FAT3: variants seen among roughly 807,000 people sequenced by gnomAD.
The protein encoded by FAT3 is FAT atypical cadherin 3, also known as protocadherin Fat 3.
A neutral mutation model predicts 310.2 loss-of-function variants in FAT3; 95 were observed. The observed-to-expected ratio is 0.31, with a 90% CI of 0.26 to 0.36. FAT3 has a LOEUF of 0.36. Among genes scored for constraint, FAT3 ranks in the 10% least tolerant of loss-of-function variants. The pLI, the probability that FAT3 is intolerant of heterozygous loss-of-function variation, is 1.00. For missense variants in FAT3, 5,408 were observed against 5,715.6 expected, an observed-to-expected ratio of 0.95 and a Z score of 1.74; for synonymous variants, 2,314 against 2,192.9, an observed-to-expected ratio of 1.06 and a Z score of -1.54.
intron 2 of FAT3, among the ~76,000 whole-genome samples, chr11:92,482,286 T>G (rs2135197762): frequency 6.6e-6 from 1 of 152,300 alleles, no homozygotes; most frequent in African/African-American, 2.4e-5. Context: ...TGAATTAAAA[T>G]TCTTGGCATG....
intron 2 of FAT3, among the ~76,000 whole-genome samples, chr11:92,392,335 C>T (rs573795057): frequency 6.6e-6 from 1 of 152,202 alleles, no homozygotes; most frequent in African/African-American, 2.4e-5. Context: ...TCTTAACTCA[C>T]ATTTTCTTAT....
At chr11:92,490,747 A>G (rs897640119) in intron 2 of FAT3, among the ~76,000 whole-genome samples, 1 of 152,156 alleles carries the variant, frequency 6.6e-6, no homozygotes, top group African/African-American at 2.4e-5. Context: ...TGCAGTTTAT[A>G]AAGCATTCAT....
chr11:92,300,842 G>A (rs1455046308), intron 1 of FAT3, among the ~76,000 whole-genome samples: 5 of 151,934 alleles, frequency 3.3e-5, no homozygotes, highest in African/African-American at 7.3e-5. Flanking sequence ...TGGTATTTCC[G>A]GTCTAACACA....
chr11:92,760,969 T>C (rs1324958030), intron 4 of FAT3, among the ~76,000 whole-genome samples: 1 of 152,206 alleles, frequency 6.6e-6, no homozygotes, highest in East Asian at 1.9e-4. Flanking sequence ...TAGAAAAATA[T>C]TTTGCAATTG....
At chr11:92,835,750 A>G (rs1480935696) in intron 15 of FAT3, among the ~76,000 whole-genome samples, 8 of 152,194 alleles carry the variant, frequency 5.3e-5, no homozygotes, top group African/African-American at 1.7e-4. Context: ...ACAGACACAC[A>G]GAGTTGGGCA....
chr11:92,314,238 A>G (rs1045211671), intron 1 of FAT3: 2 of 951,066 alleles, frequency 2.1e-6, no homozygotes, highest in East Asian at 1.2e-4. Flanking sequence ...CTAATTAATA[A>G]TTAAGGTCAT....
intron 13 of FAT3, 28 bp from the exon 14 acceptor site, chr11:92,831,594 C>T (rs1453638560): frequency 1.9e-6 from 3 of 1,586,226 alleles, no homozygotes; most frequent in African/African-American, 2.7e-5. Flanking sequence ...TGTTCTTGCC[C>T]ACTCATTTTC....
At chr11:92,550,076 T>C (rs1954754111) in intron 3 of FAT3, among the ~76,000 whole-genome samples, 1 of 152,194 alleles carries the variant, frequency 6.6e-6, no homozygotes, top group African/African-American at 2.4e-5. Context: ...GCATTGTCTC[T>C]TGACCTGAAA....
chr11:92,345,608 A>G (rs1357014088), intron 1 of FAT3, among the ~76,000 whole-genome samples: 4 of 152,226 alleles, frequency 2.6e-5, no homozygotes, highest in African/African-American at 9.6e-5. Flanking sequence ...TCATAGCTTT[A>G]GAAGAAGTGG....
chr11:92,561,942 T>A (rs541695906), intron 3 of FAT3, among the ~76,000 whole-genome samples: 1 of 152,146 alleles, frequency 6.6e-6, no homozygotes, highest in South Asian at 2.1e-4. Context: ...TTGGATAATT[T>A]TAAACAATAA....
At chr11:92,443,234 TTTA>T (rs1951121350) in intron 2 of FAT3, among the ~76,000 whole-genome samples, 1 of 152,188 alleles carries the variant, frequency 6.6e-6, no homozygotes, top group African/African-American at 2.4e-5. Flanking sequence ...TTCTTCCTAG[TTTA>T]TTGTTTCTAA....
At chr11:92,301,253 C>T (rs1160484646) in intron 1 of FAT3, among the ~76,000 whole-genome samples, 1 of 152,046 alleles carries the variant, frequency 6.6e-6, no homozygotes, top group African/African-American at 2.4e-5. Context: ...CTGACATTTC[C>T]AAATGTAGTA....
chr11:92,260,352 C>T (rs1449690865), intron 1 of FAT3, among the ~76,000 whole-genome samples: 2 of 152,000 alleles, frequency 1.3e-5, no homozygotes, highest in African/African-American at 4.8e-5. Context: ...ACCCAAGGCT[C>T]TAGAAATTTT....
chr11:92,578,544 T>C (rs2135525002), intron 3 of FAT3, among the ~76,000 whole-genome samples: 1 of 152,280 alleles, frequency 6.6e-6, no homozygotes, highest in East Asian at 1.9e-4. Context: ...CTGTGCCTTG[T>C]TGCCCACAAC....
At chr11:92,430,316 T>A (rs1207451843) in intron 2 of FAT3, among the ~76,000 whole-genome samples, 1 of 152,184 alleles carries the variant, frequency 6.6e-6, no homozygotes, top group African/African-American at 2.4e-5. Flanking sequence ...TGCATTGGGT[T>A]CTGAAGCCTA....
At chr11:92,303,856 A>C (rs547316397) in intron 1 of FAT3, among the ~76,000 whole-genome samples, 2 of 152,224 alleles carry the variant, frequency 1.3e-5, no homozygotes, top group East Asian at 3.9e-4. Flanking sequence ...ACCTTGAGAA[A>C]GTGTTGACTG....
chr11:92,615,351 A>G (rs1190080400), intron 3 of FAT3, among the ~76,000 whole-genome samples: 4 of 152,058 alleles, frequency 2.6e-5, no homozygotes, highest in Non-Finnish European at 4.4e-5. Context: ...GGTTCAAGCA[A>G]TTCTCCCGCC....
At chr11:92,754,544 C>T (rs1243839660) in intron 4 of FAT3, among the ~76,000 whole-genome samples, 2 of 140,066 alleles carry the variant, frequency 1.4e-5, no homozygotes, top group East Asian at 4.3e-4. Flanking sequence ...AGGAGAATGG[C>T]GTGAACCTGG....
At chr11:92,523,742 G>A (rs1348658676) in intron 2 of FAT3, among the ~76,000 whole-genome samples, 3 of 152,128 alleles carry the variant, frequency 2.0e-5, no homozygotes, top group Non-Finnish European at 1.5e-5. Flanking sequence ...TTCCCATCAC[G>A]ATGGGCTCAT....
Sources: allele counts gnomAD v4.1 joint callset (sites outside exome capture counted in the v4.1 genomes callset), GRCh38; gene constraint gnomAD v4.1.1; transcripts MANE v1.5; gene names NCBI Gene and HGNC (gene_info 2026-07-23, HGNC 2026-07-21).